Variants in CCDC191 observed in about 807,000 individuals in gnomAD.
CCDC191 encodes the protein coiled-coil domain-containing protein 191.
Under a neutral mutation model 114.0 loss-of-function variants are expected in CCDC191, and 99 were observed. That is an observed-to-expected ratio of 0.87 (90% CI 0.74 to 1.03). The LOEUF (loss-of-function observed/expected upper bound fraction) is 1.03, where lower values mean the gene tolerates loss of function less well. Among genes scored for constraint, CCDC191 ranks in the 50% least tolerant of loss-of-function variants. CCDC191 has a pLI of 0.00. For synonymous variants in CCDC191, 351 were observed against 376.0 expected, an observed-to-expected ratio of 0.93 and a Z score of 0.77; for missense variants, 973 against 1,087.0, an observed-to-expected ratio of 0.90 and a Z score of 1.47.
At chr3:114,033,403 C>G (rs1356872252) in intron 6 of CCDC191, among the ~76,000 whole-genome samples, 4 of 152,146 alleles carry the variant, frequency 2.6e-5, no homozygotes, top group Non-Finnish European at 5.9e-5. Context: ...AAATCTTTGT[C>G]TGGATTTCTG....
intron 13 of CCDC191, among the ~76,000 whole-genome samples, chr3:113,985,511 G>GAAC (rs2075322589): frequency 6.6e-6 from 1 of 152,140 alleles, no homozygotes; most frequent in Non-Finnish European, 1.5e-5. Context: ...TCTACCACTG[G>GAAC]AGTGGGAACA....
Position 114,056,392 on chromosome 3 carries a change from C to G in CCDC191, c.75G>C (p.Arg25Ser). The change falls in exon 1 of 17, where the codon AGG (arginine) becomes AGC (serine). Residue 25 changes from arginine to serine, a missense_variant. Physicochemically the swap from Arg to Ser is moderately radical, Grantham distance 110. Coordinates refer to ENST00000295878, the MANE Select transcript of CCDC191 (RefSeq NM_020817.2). ...TTGGGATCACCTTGGGACTCGGCTT[C>G]CTTGTGAACCGTTTCCAGCGATTCA... ...MGLNRWKRFT[R>S]KPSPKPTFGP... 6.2e-7 allele frequency: 1 copy of G among 1,614,146 alleles called. No homozygotes were observed.
At chr3:113,971,035 T>C (rs1360216632) in intron 16 of CCDC191, among the ~76,000 whole-genome samples, 1 of 152,188 alleles carries the variant, frequency 6.6e-6, no homozygotes, top group Non-Finnish European at 1.5e-5. Flanking sequence ...CATGTGTGCA[T>C]GTGTCTTTAT....
At chr3:113,967,370 C>T (rs557232746) in intron 16 of CCDC191, among the ~76,000 whole-genome samples, 1 of 114,292 alleles carries the variant, frequency 8.7e-6, no homozygotes, top group South Asian at 2.6e-4. Context: ...ATCATCCTTG[C>T]CTACATTTCT....
intron 7 of CCDC191, 125 bp downstream of exon 7, chr3:114,031,501 G>A (rs375621080): frequency 1.4e-4 from 111 of 766,554 alleles, no homozygotes; most frequent in Middle Eastern, 6.4e-4. Context: ...AACAAATGGC[G>A]TGGGCAGTTT....
intron 6 of CCDC191, among the ~76,000 whole-genome samples, chr3:114,033,243 G>A (rs1002564875): frequency 2.0e-5 from 3 of 152,042 alleles, no homozygotes; most frequent in Non-Finnish European, 4.4e-5. Flanking sequence ...GGTTACAGGT[G>A]TGTGCCACCA....
At chr3:113,972,475 G>A (rs1053616944) in intron 16 of CCDC191, among the ~76,000 whole-genome samples, 4 of 152,054 alleles carry the variant, frequency 2.6e-5, no homozygotes, top group Non-Finnish European at 5.9e-5. Flanking sequence ...TTTGTTGAGA[G>A]TTGTTTTGTG....
rs1392944489 is a variant in CCDC191 at position 114,005,982 on chromosome 3, T to C, written c.1414-20A>G. The C allele has an allele frequency of 6.3e-7, 1 of 1,593,126 alleles. No homozygotes were observed. Among genetic ancestry groups the C allele is most frequent in the African/African-American group, 1.3e-5 (1 of 74,498 alleles). On this transcript the variant is annotated intron_variant, in intron 9 of 16. Transcript: ENST00000295878. ...AGTCTCCTGAGAGAGAGAAACATGT[T>C]ATAGCTCAACTATTTAAAGGACTGT...
At chr3:113,975,318 A>G (rs937420553) in intron 16 of CCDC191, among the ~76,000 whole-genome samples, 2 of 152,218 alleles carry the variant, frequency 1.3e-5, no homozygotes, top group African/African-American at 4.8e-5. Context: ...CAGGCTTAAG[A>G]CCAATAGATG....
intron 12 of CCDC191, 120 bp from the exon 13 acceptor site, chr3:114,001,816 G>T: frequency 8.1e-7 from 1 of 1,232,394 alleles, no homozygotes; most frequent in Non-Finnish European, 1.1e-6. Flanking sequence ...GAAGAAGTCT[G>T]CATTTTGTGA....
chr3:114,003,008 C>G, intron 11 of CCDC191: 1 of 985,212 alleles, frequency 1.0e-6, no homozygotes, highest in Non-Finnish European at 1.2e-6. Context: ...ATAAGAATAA[C>G]AACAAACAAA....
At chr3:113,982,126 A>G (rs1180775637) in intron 13 of CCDC191, among the ~76,000 whole-genome samples, 2 of 152,242 alleles carry the variant, frequency 1.3e-5, no homozygotes, top group South Asian at 2.1e-4. Flanking sequence ...CCATGCAGAG[A>G]TAAGTTATGG....
At chr3:114,048,855 C>T (rs572247452) in intron 2 of CCDC191, among the ~76,000 whole-genome samples, 3 of 152,208 alleles carry the variant, frequency 2.0e-5, no homozygotes, top group Non-Finnish European at 4.4e-5. Context: ...GTGCTTGGCA[C>T]TCAACAGGTG....
intron 11 of CCDC191, 100 bp from the exon 12 acceptor site, chr3:114,002,638 T>C: frequency 7.9e-7 from 1 of 1,271,446 alleles, no homozygotes; most frequent in South Asian, 1.6e-5. Flanking sequence ...TTTAGTGTTA[T>C]TATTAGGGTT....
chr3:114,020,413 C>A (rs1354045252), intron 7 of CCDC191, among the ~76,000 whole-genome samples: 2 of 152,052 alleles, frequency 1.3e-5, no homozygotes, highest in Non-Finnish European at 2.9e-5. Flanking sequence ...ATTATAATTT[C>A]TCATTAGGAG....
Position 114,046,584 on chromosome 3 carries a change from C to G in CCDC191, c.271+7G>C. On this transcript the variant is annotated splice_region_variant and intron_variant, in intron 3 of 16. Transcript: ENST00000295878. ...TTAACATCGCAGCAGAAAATGCATT[C>G]TCTTACCTTCTGCATAGATTTCATC... is the stretch of plus-strand genomic sequence containing the variant. 6.6e-7 allele frequency: 1 copy of G among 1,510,024 alleles called. No individual in the cohort carries two copies. The highest frequency in any genetic ancestry group is 9.2e-7 in the Non-Finnish European group (1 of 1,085,644). 93.5% of individuals were successfully genotyped at this position (1,510,024 alleles called of 1,614,324 possible).
intron 8 of CCDC191, among the ~76,000 whole-genome samples, chr3:114,017,530 A>C (rs578030591): frequency 6.6e-6 from 1 of 152,246 alleles, no homozygotes. Flanking sequence ...ACAGGATTGC[A>C]CAACTTTAAG....
intron 8 of CCDC191, among the ~76,000 whole-genome samples, chr3:114,013,108 T>A (rs1559909103): frequency 6.6e-6 from 1 of 151,652 alleles, no homozygotes; most frequent in African/African-American, 2.4e-5. Flanking sequence ...TAGCTGGGCG[T>A]GGTGGTGAGT....
intron 6 of CCDC191, among the ~76,000 whole-genome samples, chr3:114,032,516 A>G (rs2076421376): frequency 6.6e-6 from 1 of 152,194 alleles, no homozygotes; most frequent in African/African-American, 2.4e-5. Context: ...ATTATTAATG[A>G]TGTGGTAAAC....
Sources: allele counts gnomAD v4.1 joint callset (sites outside exome capture counted in the v4.1 genomes callset), GRCh38; gene constraint gnomAD v4.1.1; transcripts MANE v1.5; gene names NCBI Gene and HGNC (gene_info 2026-07-23, HGNC 2026-07-21).